Variants in LGR4 observed in about 807,000 individuals in gnomAD.
LGR4 encodes the protein leucine rich repeat containing G protein-coupled receptor 4.
LGR4 carries 44 observed loss-of-function variants against 84.8 expected under a neutral mutation model. The ratio of observed to expected loss-of-function variants is 0.52; its 90% CI spans 0.41 to 0.67. The LOEUF (loss-of-function observed/expected upper bound fraction) is 0.67, where lower values mean the gene tolerates loss of function less well. Among genes scored for constraint, LGR4 ranks in the 30% least tolerant of loss-of-function variants. The pLI, the probability that LGR4 is intolerant of heterozygous loss-of-function variation, is 0.00. For synonymous variants in LGR4, 429 were observed against 434.3 expected (o/e 0.99, Z 0.15); for missense variants, 1,032 against 1,131.4 (o/e 0.91, Z 1.26).
rs1208551861 is a variant in LGR4, at chr11:27,367,949, G to T, written c.2774C>A (p.Ala925Asp). 1.2e-6 allele frequency: 2 copies of T among 1,613,874 alleles called. No individual in the cohort carries two copies. The highest frequency in any genetic ancestry group is 1.7e-6 in the Non-Finnish European group (2 of 1,179,782). Residue 925 changes from alanine (A) to aspartate (D), a missense_variant, in exon 18 of 18, where the codon GCC becomes GAC. Physicochemically the swap from Ala to Asp is moderately radical, Grantham distance 126. Transcript: ENST00000379214. ...CTGGTAGAAGCAGGCTCGTCCACAG[G>T]CCTGCACCTGGTCAGAACTGTCTGA... ...FVSDSSDQVQ[A>D]CGRACFYQSR... is the part of the protein sequence containing the mutation.
chr11:27,381,664 T>C, intron 7 of LGR4, among the ~76,000 whole-genome samples: 1 of 152,038 alleles, frequency 6.6e-6, no homozygotes, highest in South Asian at 2.1e-4. Context: ...CACTCCAGCC[T>C]GGGCGACAGA....
chr11:27,366,127 A>G lies in LGR4; in HGVS notation c.*1740T>C, dbSNP rs1299912405. 6.6e-6 allele frequency: 1 copy of G among 152,534 alleles called. No individual in the cohort carries two copies. 9.4% of individuals were successfully genotyped at this position (152,534 alleles called of 1,614,324 possible). ...TTTTGGAAAAAACCTTTTAATTAGG[A>G]GTTTCTTACCAAGTTATGATTTAAT... On this transcript the variant is annotated 3_prime_UTR_variant, in exon 18 of 18. Coordinates refer to ENST00000379214, the MANE Select transcript of LGR4 (RefSeq NM_018490.5).
At chr11:27,417,786 G>A (rs1175693576) in intron 1 of LGR4, among the ~76,000 whole-genome samples, 9 of 151,978 alleles carry the variant, frequency 5.9e-5, no homozygotes, top group South Asian at 2.1e-4. Context: ...ATCTGAAATC[G>A]TATAGTTCTG....
At chr11:27,375,315 A>G (rs1241184485) in intron 13 of LGR4, among the ~76,000 whole-genome samples, 1 of 146,786 alleles carries the variant, frequency 6.8e-6, no homozygotes, top group African/African-American at 2.5e-5. Flanking sequence ...AAAAAAAAAG[A>G]AAAAGAAAAG....
rs751940116 is a variant in LGR4 at position 27,385,362 on chromosome 11, C to A, written c.508G>T (p.Val170Leu). 6 of 1,612,152 alleles carry A rather than the reference C, an allele frequency of 3.7e-6. No homozygotes were observed. The highest frequency in any genetic ancestry group is 5.1e-6 in the Non-Finnish European group (6 of 1,179,294). ...LDDNSLTEVP[V>L]HPLSNLPTLQ... ...GTGGGCAGATTGCTGAGGGGGTGCACAGGCACCTCCGTCAAGCTGTTGTCA... is the reference window on the plus strand; with the variant it reads ...GTGGGCAGATTGCTGAGGGGGTGCAAAGGCACCTCCGTCAAGCTGTTGTCA... The change falls in exon 5 of 18, where the codon GTG becomes TTG. Residue 170 changes from valine to leucine, a missense_variant. Transcript: ENST00000379214.
chr11:27,444,590 G>T (rs900271787), intron 1 of LGR4, among the ~76,000 whole-genome samples: 1 of 151,256 alleles, frequency 6.6e-6, no homozygotes, highest in African/African-American at 2.4e-5. Context: ...CTTTGTGTAG[G>T]TCTATAATTG....
intron 1 of LGR4, among the ~76,000 whole-genome samples, chr11:27,434,484 G>C (rs1351253967): frequency 6.6e-6 from 1 of 152,196 alleles, no homozygotes; most frequent in African/African-American, 2.4e-5. Flanking sequence ...AATTTTTGGT[G>C]AAGTAGAGGC....
At chr11:27,381,378 C>T (rs1456713662) in intron 7 of LGR4, among the ~76,000 whole-genome samples, 2 of 152,202 alleles carry the variant, frequency 1.3e-5, no homozygotes, top group Non-Finnish European at 2.9e-5. Flanking sequence ...ACTAACTCTA[C>T]CCATGACAAA....
At chr11:27,439,115 C>T (rs971990508) in intron 1 of LGR4, among the ~76,000 whole-genome samples, 6 of 152,012 alleles carry the variant, frequency 3.9e-5, no homozygotes, top group African/African-American at 1.5e-4. Flanking sequence ...GGAGATTTAC[C>T]ATTTTAAATG....
In LGR4 at chr11:27,369,029, G is replaced by T. The variant is rs1170594960; in HGVS notation, c.1694C>A (p.Ala565Glu). ...FNLLVILTTF[A>E]SCTSLPSSKL... ...GGACGAAGGCAGTGATGTACAAGAT[G>T]CAAATGTTGTTAAAATAACAAGCAG... Residue 565 changes from alanine to glutamate, a missense_variant, in exon 18 of 18, where the codon GCA becomes GAA. Physicochemically the swap from Ala to Glu is moderately radical, Grantham distance 107 (BLOSUM62 -1). Transcript: ENST00000379214. The T allele has an allele frequency of 6.2e-7, 1 of 1,613,846 alleles. No individual in the cohort carries two copies. The highest frequency in any genetic ancestry group is 1.1e-5 in the South Asian group (1 of 91,060).
chr11:27,387,818 T>G (rs1490246681), intron 4 of LGR4, among the ~76,000 whole-genome samples: 1 of 152,214 alleles, frequency 6.6e-6, no homozygotes, highest in African/African-American at 2.4e-5. Context: ...TAAAATAGTA[T>G]GTAATGCACC....
At chr11:27,412,989 A>G (rs1863740025) in intron 1 of LGR4, 129 bp from the exon 2 acceptor site, 5 of 651,532 alleles carry the variant, frequency 7.7e-6, no homozygotes, top group South Asian at 5.5e-5. Flanking sequence ...AAACAGTCAC[A>G]ATTTGGCTTC....
chr11:27,378,925 T>C, intron 10 of LGR4, 157 bp from the exon 11 acceptor site: 1 of 595,532 alleles, frequency 1.7e-6, no homozygotes, highest in Non-Finnish European at 2.9e-6. Flanking sequence ...TGCAAGAAGG[T>C]GAACTGAACC....
At position 27,472,378 on chromosome 11, in the gene LGR4, C is replaced by G. The variant is rs1336458818; in HGVS notation, c.-76G>C. 5.3e-6 allele frequency: 6 copies of G among 1,129,486 alleles called. No homozygotes were observed. Among genetic ancestry groups the G allele is most frequent in the Non-Finnish European group, 6.6e-6 (6 of 903,836 alleles). The allele number at this position is 1,129,486 out of a possible 1,614,324, so 70.0% of individuals were successfully genotyped here. On this transcript the variant is annotated 5_prime_UTR_variant, in exon 1 of 18. Coordinates refer to ENST00000379214, the MANE Select transcript of LGR4 (RefSeq NM_018490.5). ...CTGCCCTCCGATGTCCCCCGCCGCC[C>G]CCGGGCAGCCGGCCTGCGGGCTGGA...
At chr11:27,377,878 T>C (rs1045059880) in intron 11 of LGR4, among the ~76,000 whole-genome samples, 2 of 152,154 alleles carry the variant, frequency 1.3e-5, no homozygotes, top group Non-Finnish European at 2.9e-5. Context: ...AATGATATGG[T>C]CCCATAAGAG....
rs1452282556 is a variant in LGR4, at chr11:27,366,047, T to C, written c.*1820A>G. 1 of 152,576 alleles carries C rather than the reference T, an allele frequency of 6.6e-6. No individual in the cohort carries two copies. Among genetic ancestry groups the C allele is most frequent in the Non-Finnish European group, 1.5e-5 (1 of 67,984 alleles). 9.5% of individuals were successfully genotyped at this position (152,576 alleles called of 1,614,324 possible). A position where few individuals can be genotyped will look rare whatever the true frequency, so the allele number is the denominator to read the frequency against. On this transcript the variant is annotated 3_prime_UTR_variant, in exon 18 of 18. Coordinates refer to ENST00000379214, the MANE Select transcript of LGR4 (RefSeq NM_018490.5). ...TAGCACAAAGATTAACACTTTTATA[T>C]ATCTGTTATTCTAGTTTTTAAATGA... is the stretch of plus-strand genomic sequence containing the variant.
intron 6 of LGR4, among the ~76,000 whole-genome samples, chr11:27,383,596 A>G (rs186129100): frequency 1.3e-4 from 20 of 152,306 alleles, no homozygotes; most frequent in African/African-American, 4.3e-4. Context: ...TTGACAGTTA[A>G]CCAGAAAATT....
At chr11:27,415,726 A>C (rs563706659) in intron 1 of LGR4, among the ~76,000 whole-genome samples, 4 of 152,092 alleles carry the variant, frequency 2.6e-5, no homozygotes, top group Non-Finnish European at 4.4e-5. Flanking sequence ...TGAAGTAAAA[A>C]GTTGGGTGTG....
chr11:27,450,442 C>T (rs570919247), intron 1 of LGR4, among the ~76,000 whole-genome samples: 6 of 152,230 alleles, frequency 3.9e-5, no homozygotes, highest in East Asian at 1.9e-4. Flanking sequence ...GGAAATGAAA[C>T]GGAACTTCCC....
Sources: allele counts gnomAD v4.1 joint callset (sites outside exome capture counted in the v4.1 genomes callset), GRCh38; gene constraint gnomAD v4.1.1; transcripts MANE v1.5; gene names NCBI Gene and HGNC (gene_info 2026-07-23, HGNC 2026-07-21).